NF1: variants seen among roughly 807,000 people sequenced by gnomAD.
NF1 encodes neurofibromin.
In NF1, 122 loss-of-function variants were observed where a neutral mutation model predicts 325.7. The ratio of observed to expected loss-of-function variants is 0.37; its 90% CI spans 0.32 to 0.44. The LOEUF is 0.44. NF1 is among the 20% of genes least tolerant of loss of function. The pLI is 1.00. For missense variants in NF1, 2,140 were observed against 3,415.4 expected (o/e 0.63, Z 9.31); for synonymous variants, 1,091 against 1,186.0 (o/e 0.92, Z 1.65).
chr17:31,236,891 C>G (rs2067213719), intron 29 of NF1, among the ~76,000 whole-genome samples: 1 of 152,190 alleles, frequency 6.6e-6, no homozygotes, highest in African/African-American at 2.4e-5. Flanking sequence ...TTTCTCTCTC[C>G]TCTAGACTGT....
At chr17:31,353,252 C>T (rs146965319) in intron 51 of NF1, among the ~76,000 whole-genome samples, 106 of 152,282 alleles carry the variant, frequency 7.0e-4, no homozygotes, top group African/African-American at 2.5e-3. Context: ...GTTACATCAA[C>T]ATTTATAGAA....
At chr17:31,160,487 AGTT>A (rs2065743812) in intron 3 of NF1, among the ~76,000 whole-genome samples, 1 of 152,196 alleles carries the variant, frequency 6.6e-6, no homozygotes, top group South Asian at 2.1e-4. Context: ...AAGGTGAGCT[AGTT>A]GTTTTAGCAT....
At chr17:31,337,965 A>T (rs2069722095) in intron 44 of NF1, 60 bp from the exon 45 acceptor site, 32 of 1,533,388 alleles carry the variant, frequency 2.1e-5, no homozygotes, top group Non-Finnish European at 2.7e-5. Flanking sequence ...GTTATAATTT[A>T]TTATTTAGTA....
Position 31,229,458 on chromosome 17 carries a change from A to G in NF1, c.2843A>G (p.Gln948Arg), listed in dbSNP as rs746384536. The change falls in exon 21 of 58, where the codon CAA (glutamine) becomes CGA (arginine). Residue 948 changes from glutamine (Q) to arginine (R), a missense_variant. Physicochemically the swap from Gln to Arg is conservative, Grantham distance 43 (BLOSUM62 1). This residue lies in a region of NF1 where 380 missense variants were observed against 639.3 expected (regional missense o/e 0.59). Coordinates refer to ENST00000358273, the MANE Select transcript of NF1 (RefSeq NM_001042492.3). ...ACCATCAGCAAGTTTTTTGACTCCC[A>G]AGGACAGGTAAAGTGTTCTCTTATT... ...KNTISKFFDSQGQVLLTDTNT... is the reference protein window; with the variant it reads ...KNTISKFFDSRGQVLLTDTNT... 4.3e-6 allele frequency: 7 copies of G among 1,613,614 alleles called. No individual in the cohort carries two copies.
chr17:31,188,633 C>G (rs1288557599), intron 8 of NF1, among the ~76,000 whole-genome samples: 1 of 152,118 alleles, frequency 6.6e-6, no homozygotes, highest in Non-Finnish European at 1.5e-5. Flanking sequence ...AGTATTGATC[C>G]TGGGTGTGCC....
At chr17:31,226,374 T>G (rs2067013317) in intron 17 of NF1, 61 bp from the exon 18 acceptor site, 1 of 1,490,630 alleles carries the variant, frequency 6.7e-7, no homozygotes, top group Admixed American at 1.9e-5. Context: ...ATTGCATTGT[T>G]AGATTTTATA....
intron 1 of NF1, chr17:31,133,686 T>A (rs2143481048): frequency 6.6e-6 from 1 of 152,360 alleles, no homozygotes; most frequent in East Asian, 1.9e-4. Context: ...AGACAGAGTC[T>A]CACTCTGTTG....
At position 31,249,081 on chromosome 17, in the gene NF1, C is replaced by A. The variant is rs1555617359; in HGVS notation, c.4072C>A (p.Pro1358Thr). 1 of 1,614,026 alleles carries A rather than the reference C, an allele frequency of 6.2e-7. No individual in the cohort carries two copies. ...CATCATCAGTTCCTCCTCAGAATTC[C>A]CCCCTCAACTTCGAAGTGTGTGCCA... The part of the protein sequence containing the change: ...HAIISSSSEF[P>T]PQLRSVCHCL... Residue 1358 changes from proline (P) to threonine (T), a missense_variant, in exon 30 of 58, where the codon CCC becomes ACC. By Grantham distance (38) the Pro-to-Thr change is conservative. This residue lies in a region of NF1 where 336 missense variants were observed against 399.0 expected (regional missense o/e 0.84). Transcript: ENST00000358273.
intron 36 of NF1, among the ~76,000 whole-genome samples, chr17:31,310,306 G>A (rs138200383): frequency 2.0e-4 from 30 of 151,982 alleles, no homozygotes; most frequent in African/African-American, 7.2e-4. Context: ...AAAAGAGGAA[G>A]GTCAATTGAC....
chr17:31,314,957 C>T (rs1183872345), intron 36 of NF1, among the ~76,000 whole-genome samples: 1 of 152,168 alleles, frequency 6.6e-6, no homozygotes, highest in African/African-American at 2.4e-5. Flanking sequence ...ACACCCTTCC[C>T]AGCACTTGTT....
rs17879205 is a variant in NF1 at position 31,373,798 on chromosome 17, T to A, written c.8378-215T>A. ...ATGGTAACCTGCTGTACAGGTTTGT[T>A]GCCTGGGAGAAACAGGCTATACCAT... On this transcript the variant is annotated intron_variant, in intron 57 of 57. Coordinates refer to ENST00000358273, the MANE Select transcript of NF1 (RefSeq NM_001042492.3). Among the ~76,000 whole-genome samples, 2,904 of 152,324 alleles carry A rather than the reference T, an allele frequency of 0.019. 104 individuals are homozygous for A. The highest frequency in any genetic ancestry group is 0.066 in the African/African-American group (2,752 of 41,560).
At chr17:31,162,582 G>A (rs2143666036) in intron 3 of NF1, among the ~76,000 whole-genome samples, 1 of 152,312 alleles carries the variant, frequency 6.6e-6, no homozygotes, top group South Asian at 2.1e-4. Context: ...TGATACAAGG[G>A]AATTGTTTAT....
intron 22 of NF1, 60 bp from the exon 23 acceptor site, chr17:31,230,199 TA>T: frequency 6.4e-7 from 1 of 1,572,950 alleles, no homozygotes. Context: ...CTAAAGTATT[TA>T]GAATGCCTTC....
intron 36 of NF1, among the ~76,000 whole-genome samples, chr17:31,289,052 T>A (rs2068297896): frequency 6.6e-6 from 1 of 152,212 alleles, no homozygotes; most frequent in South Asian, 2.1e-4. Context: ...TTCATTCTTT[T>A]ATTTATAAAT....
At chr17:31,250,535 G>A (rs1299321472) in intron 30 of NF1, 1 of 202,362 alleles carries the variant, frequency 4.9e-6, no homozygotes, top group Non-Finnish European at 1.0e-5. Flanking sequence ...ACATGGTCTA[G>A]GAGATTGTAG....
At chr17:31,204,454 A>G (rs1193809179) in intron 11 of NF1, among the ~76,000 whole-genome samples, 2 of 152,144 alleles carry the variant, frequency 1.3e-5, no homozygotes, top group Non-Finnish European at 2.9e-5. Flanking sequence ...GTCTACTTTA[A>G]TTGACTGGTG....
At chr17:31,240,001 C>A (rs765673313) in intron 29 of NF1, among the ~76,000 whole-genome samples, 1 of 152,170 alleles carries the variant, frequency 6.6e-6, no homozygotes, top group Non-Finnish European at 1.5e-5. Context: ...TGACTTCAGG[C>A]GAGCCGCCTG....
chr17:31,340,797 C>T, intron 47 of NF1, 152 bp downstream of exon 47: 1 of 725,314 alleles, frequency 1.4e-6, no homozygotes, highest in Non-Finnish European at 2.2e-6. Context: ...TCCTTACCAG[C>T]TCATAAAGAA....
intron 5 of NF1, among the ~76,000 whole-genome samples, chr17:31,177,892 G>C (rs1226211144): frequency 1.3e-5 from 2 of 152,100 alleles, no homozygotes; most frequent in Non-Finnish European, 2.9e-5. Flanking sequence ...ATCTACATTT[G>C]GTTAGTGTAC....
Sources: allele counts gnomAD v4.1 joint callset (sites outside exome capture counted in the v4.1 genomes callset), GRCh38; gene constraint gnomAD v4.1.1; regional missense constraint gnomAD v4.1.1; transcripts MANE v1.5; gene names NCBI Gene and HGNC (gene_info 2026-07-23, HGNC 2026-07-21).